The following RAD51B variants were observed in gnomAD, a reference collection of about 807,000 sequenced individuals.
RAD51B encodes DNA repair protein RAD51 homolog 2.
A neutral mutation model predicts 42.2 loss-of-function variants in RAD51B; 38 were observed. The ratio of observed to expected loss-of-function variants is 0.90; its 90% CI spans 0.70 to 1.18. RAD51B has a LOEUF of 1.18. RAD51B is among the 50% of genes most tolerant of loss of function. The probability of loss-of-function intolerance (pLI) is 0.00; values close to 1 mark genes in which losing one functional copy is unlikely to be tolerated. For missense variants in RAD51B, 373 were observed against 400.7 expected (o/e 0.93, Z 0.59); for synonymous variants, 154 against 145.2 (o/e 1.06, Z -0.43).
intron 10 of RAD51B, among the ~76,000 whole-genome samples, chr14:68,607,289 A>ATC (rs1891485250): frequency 6.6e-6 from 1 of 152,160 alleles, no homozygotes; most frequent in Non-Finnish European, 1.5e-5. Context: ...CCCAGCTTTT[A>ATC]TCTGCCCAGT....
intron 7 of RAD51B, among the ~76,000 whole-genome samples, chr14:67,904,926 A>G (rs915208503): frequency 7.8e-6 from 1 of 127,972 alleles, no homozygotes; most frequent in African/African-American, 2.9e-5. Context: ...ACTAGATCCT[A>G]TTTGTCAGTT....
chr14:68,106,832 C>T (rs1181721014), intron 7 of RAD51B, among the ~76,000 whole-genome samples: 1 of 151,698 alleles, frequency 6.6e-6, no homozygotes, highest in Non-Finnish European at 1.5e-5. Context: ...CCTTTTATGC[C>T]CCAGGCATTG....
chr14:67,905,952 G>C (rs1248975385), intron 7 of RAD51B, among the ~76,000 whole-genome samples: 1 of 152,076 alleles, frequency 6.6e-6, no homozygotes, highest in East Asian at 1.9e-4. Context: ...AGTGGTAAGT[G>C]TGGGCATCCT....
intron 7 of RAD51B, among the ~76,000 whole-genome samples, chr14:67,946,413 G>T (rs2140194002): frequency 6.6e-6 from 1 of 152,012 alleles, no homozygotes; most frequent in East Asian, 1.9e-4. Context: ...CTGTTACCTA[G>T]GCTGGAGTGC....
chr14:68,491,601 C>T (rs1417162075), intron 10 of RAD51B, among the ~76,000 whole-genome samples: 7 of 152,158 alleles, frequency 4.6e-5, no homozygotes, highest in South Asian at 2.1e-4. Flanking sequence ...TCCAGAAACC[C>T]GTCTTAGTCC....
chr14:68,052,216 C>T (rs2076404274), intron 7 of RAD51B, among the ~76,000 whole-genome samples: 4 of 152,178 alleles, frequency 2.6e-5, no homozygotes, highest in Admixed American at 2.6e-4. Flanking sequence ...TCTTAAATTA[C>T]AATTTGTTTC....
chr14:68,385,656 C>T (rs2083580026), intron 8 of RAD51B, among the ~76,000 whole-genome samples: 1 of 152,190 alleles, frequency 6.6e-6, no homozygotes, highest in Non-Finnish European at 1.5e-5. Flanking sequence ...ATCATTGTCT[C>T]TGCTGGTGAG....
chr14:68,408,136 T>G (rs2084327337), intron 8 of RAD51B, among the ~76,000 whole-genome samples: 1 of 152,052 alleles, frequency 6.6e-6, no homozygotes, highest in South Asian at 2.1e-4. Context: ...AAGGTTGATT[T>G]AGGAGGAATG....
chr14:68,237,699 C>T (rs2080289119), intron 7 of RAD51B, among the ~76,000 whole-genome samples: 1 of 150,348 alleles, frequency 6.7e-6, no homozygotes, highest in Non-Finnish European at 1.5e-5. Context: ...CATTTACATG[C>T]AGTGTTTTAC....
intron 11 of RAD51B, among the ~76,000 whole-genome samples, chr14:68,658,229 T>C (rs572017520): frequency 1.4e-4 from 21 of 152,352 alleles, no homozygotes; most frequent in African/African-American, 5.0e-4. Context: ...GGCCTTGCTC[T>C]GTGGGAGCCT....
intron 8 of RAD51B, among the ~76,000 whole-genome samples, chr14:68,340,826 T>C (rs1002728459): frequency 2.6e-5 from 4 of 152,224 alleles, no homozygotes; most frequent in Admixed American, 6.5e-5. Context: ...CTCTAGGACA[T>C]TGAAATCTGG....
intron 7 of RAD51B, among the ~76,000 whole-genome samples, chr14:68,097,591 C>T (rs892697675): frequency 3.3e-5 from 5 of 152,144 alleles, no homozygotes; most frequent in Non-Finnish European, 5.9e-5. Flanking sequence ...TTACCTATTC[C>T]AAGTGCCTTG....
chr14:68,447,466 AT>A (rs1324957979), intron 9 of RAD51B, among the ~76,000 whole-genome samples: 1 of 135,944 alleles, frequency 7.4e-6, no homozygotes, highest in Non-Finnish European at 1.6e-5. Flanking sequence ...CCTTTTTATT[AT>A]TCACCTCCAC....
chr14:68,091,534 CT>C (rs1344216425), intron 7 of RAD51B, among the ~76,000 whole-genome samples: 4 of 152,142 alleles, frequency 2.6e-5, no homozygotes, highest in Admixed American at 2.6e-4. Context: ...CCTTCACCCA[CT>C]TTTTGATGGG....
chr14:68,542,091 G>T (rs1887999147), intron 10 of RAD51B, among the ~76,000 whole-genome samples: 1 of 152,144 alleles, frequency 6.6e-6, no homozygotes, highest in Non-Finnish European at 1.5e-5. Flanking sequence ...TAAAGATGAA[G>T]TAAGCAATAG....
intron 8 of RAD51B, among the ~76,000 whole-genome samples, chr14:68,300,335 A>C (rs751819935): frequency 5.9e-5 from 9 of 151,904 alleles, no homozygotes; most frequent in Non-Finnish European, 1.2e-4. Flanking sequence ...CCTCCCAAGT[A>C]GCTGGTACTA....
chr14:68,497,132 A>G, intron 10 of RAD51B: 2 of 1,395,582 alleles, frequency 1.4e-6, no homozygotes, highest in Non-Finnish European at 1.9e-6. Context: ...AGCCTATGGA[A>G]ATTCCTAGAG....
chr14:67,855,135 TGATCCACCTGC>T (rs2041946416), intron 4 of RAD51B, among the ~76,000 whole-genome samples: 1 of 152,128 alleles, frequency 6.6e-6, no homozygotes, highest in African/African-American at 2.4e-5. Context: ...CCTGACCTCA[TGATCCACCTGC>T]CTTGGCCTCC....
At chr14:68,583,058 G>C (rs1481331865) in intron 10 of RAD51B, among the ~76,000 whole-genome samples, 9 of 152,164 alleles carry the variant, frequency 5.9e-5, no homozygotes, top group Admixed American at 3.9e-4. Context: ...TAGATAACAG[G>C]TTGATGGGTG....
Sources: gnomAD v4.1 joint callset for allele counts (sites outside exome capture counted in the v4.1 genomes callset) on GRCh38, gnomAD v4.1.1 for gene constraint, MANE v1.5 for transcripts, NCBI Gene and HGNC (gene_info 2026-07-23, HGNC 2026-07-21) for gene names.